AHCY: variants seen among roughly 807,000 people sequenced by gnomAD.
AHCY encodes the protein adenosylhomocysteinase.
A neutral mutation model predicts 45.4 loss-of-function variants in AHCY; 24 were observed. The observed-to-expected ratio is 0.53, with a 90% CI of 0.38 to 0.74. The LOEUF (loss-of-function observed/expected upper bound fraction) is 0.74. AHCY is among the 30% of genes least tolerant of loss of function. The pLI, the probability that AHCY is intolerant of heterozygous loss-of-function variation, is 0.00. For synonymous variants in AHCY, 245 were observed against 235.1 expected, an observed-to-expected ratio of 1.04 and a Z score of -0.39; for missense variants, 449 against 594.1, an observed-to-expected ratio of 0.76 and a Z score of 2.54.
the AHCY span, among the ~76,000 whole-genome samples, chr20:34,251,431 C>T: frequency 2.0e-5 from 3 of 151,878 alleles, no homozygotes; most frequent in Non-Finnish European, 4.4e-5. Context: ...CCACCACGCC[C>T]GGCTGATTTT....
chr20:34,282,610 G>A (rs1207284170), intron 9 of AHCY, among the ~76,000 whole-genome samples: 1 of 152,146 alleles, frequency 6.6e-6, no homozygotes, highest in East Asian at 1.9e-4. Flanking sequence ...TATAAAATGA[G>A]GAAATCAAGG....
chr20:34,301,164 T>G (rs1260023679), intron 1 of AHCY, among the ~76,000 whole-genome samples: 1 of 152,086 alleles, frequency 6.6e-6, no homozygotes, highest in Admixed American at 6.5e-5. Flanking sequence ...CCATAGCCAA[T>G]TAACCGCAGA....
chr20:34,246,587 C>T, the AHCY span: 3 of 722,498 alleles, frequency 4.2e-6, no homozygotes, highest in Non-Finnish European at 7.4e-6. Context: ...ACCTCAGCCT[C>T]CTAGGACCAC....
the AHCY span, among the ~76,000 whole-genome samples, chr20:34,242,431 C>T: frequency 2.0e-5 from 3 of 152,042 alleles, no homozygotes; most frequent in Non-Finnish European, 4.4e-5. Context: ...CAGGGTTCCA[C>T]TATGTTGGCC....
the AHCY span, among the ~76,000 whole-genome samples, chr20:34,249,589 G>A: frequency 6.6e-6 from 1 of 152,144 alleles, no homozygotes; most frequent in Admixed American, 6.5e-5. Context: ...CCAATGGCTT[G>A]GTTTAATGCT....
chr20:34,272,626 C>T, the AHCY span, among the ~76,000 whole-genome samples: 1 of 152,256 alleles, frequency 6.6e-6, no homozygotes, highest in East Asian at 1.9e-4. Flanking sequence ...GTAGCTCACA[C>T]CTGTAATCCC....
intron 8 of AHCY, among the ~76,000 whole-genome samples, chr20:34,288,420 G>A (rs1223132878): frequency 1.3e-5 from 2 of 152,124 alleles, no homozygotes; most frequent in South Asian, 2.1e-4. Context: ...GGCAGCTCAC[G>A]CCTATAATCC....
At chr20:34,275,352 G>C (rs73610829), downstream of AHCY, among the ~76,000 whole-genome samples, 7 of 151,930 alleles carry the variant, frequency 4.6e-5, no homozygotes, top group South Asian at 1.2e-3. Flanking sequence ...GGCTGGTCTC[G>C]AACTCCTGAC....
chr20:34,241,871 G>C, the AHCY span, among the ~76,000 whole-genome samples: 1 of 152,180 alleles, frequency 6.6e-6, no homozygotes, highest in South Asian at 2.1e-4. Context: ...CTCTTACAGA[G>C]CAGAATTTAG....
At chr20:34,260,289 A>T in the AHCY span, 1 of 1,446,638 alleles carries the variant, frequency 6.9e-7, no homozygotes, top group Middle Eastern at 2.4e-4. Flanking sequence ...AGCCCAAAGA[A>T]GCACAAAGAA....
At chr20:34,310,165 T>C (rs2036933993) in intron 1 of AHCY, among the ~76,000 whole-genome samples, 1 of 152,118 alleles carries the variant, frequency 6.6e-6, no homozygotes, top group Admixed American at 6.6e-5. Flanking sequence ...GCGATTCTCC[T>C]GCCTCAGCCT....
At chr20:34,238,156 T>C in the AHCY span, among the ~76,000 whole-genome samples, 1 of 152,188 alleles carries the variant, frequency 6.6e-6, no homozygotes, top group Admixed American at 6.5e-5. Context: ...TTGGAGTTCA[T>C]TGAGCTTCTT....
intron 8 of AHCY, chr20:34,285,889 A>C: frequency 2.1e-6 from 1 of 475,712 alleles, no homozygotes; most frequent in Non-Finnish European, 3.9e-6. Context: ...TCATGAGGTC[A>C]GGAGATCGAG....
chr20:34,248,724 C>A, the AHCY span, among the ~76,000 whole-genome samples: 1 of 151,894 alleles, frequency 6.6e-6, no homozygotes, highest in Non-Finnish European at 1.5e-5. Context: ...TGCTTGAGCC[C>A]AGGAGGTCAA....
chr20:34,262,945 TAAA>T, the AHCY span: 2 of 1,601,102 alleles, frequency 1.2e-6, no homozygotes, highest in Admixed American at 3.3e-5. Context: ...AGACTGGACT[TAAA>T]GAAGGAGGAC....
At chr20:34,261,447 AACAGGGTGAAACC>A in the AHCY span, among the ~76,000 whole-genome samples, 1 of 152,214 alleles carries the variant, frequency 6.6e-6, no homozygotes, top group South Asian at 2.1e-4. Flanking sequence ...CAGCCTGGTC[AACAGGGTGAAACC>A]CCGTCCCTAT....
At chr20:34,246,440 C>T in the AHCY span, 4 of 1,401,804 alleles carry the variant, frequency 2.9e-6, no homozygotes, top group African/African-American at 2.8e-5. Flanking sequence ...TGAACAGACT[C>T]CACAATAAAG....
At chr20:34,238,538 G>A in the AHCY span, among the ~76,000 whole-genome samples, 1 of 151,784 alleles carries the variant, frequency 6.6e-6, no homozygotes, top group Non-Finnish European at 1.5e-5. Flanking sequence ...TATCTCTATT[G>A]ATATTCCCCT....
At chr20:34,310,007 G>A (rs991044355) in intron 1 of AHCY, among the ~76,000 whole-genome samples, 2 of 151,992 alleles carry the variant, frequency 1.3e-5, no homozygotes, top group Non-Finnish European at 2.9e-5. Context: ...CTTAGTGCCA[G>A]GTTGGGGGTG....
Sources: allele counts gnomAD v4.1 joint callset (sites outside exome capture counted in the v4.1 genomes callset), GRCh38; gene constraint gnomAD v4.1.1; transcripts MANE v1.5; gene names NCBI Gene and HGNC (gene_info 2026-07-23, HGNC 2026-07-21).